Variants in YEATS2 observed in about 807,000 individuals in gnomAD.
YEATS2 encodes YEATS domain containing 2, also known as YEATS domain-containing protein 2.
In YEATS2, 77 loss-of-function variants were observed where a neutral mutation model predicts 163.2. That is an observed-to-expected ratio of 0.47 (90% CI 0.39 to 0.57). The LOEUF is 0.57. YEATS2 is among the 20% of genes least tolerant of loss of function. The pLI, the probability that YEATS2 is intolerant of heterozygous loss-of-function variation, is 0.00. For missense variants in YEATS2, 1,549 were observed against 1,729.8 expected, an observed-to-expected ratio of 0.90 and a Z score of 1.85; for synonymous variants, 631 against 645.1, an observed-to-expected ratio of 0.98 and a Z score of 0.33.
intron 8 of YEATS2, among the ~76,000 whole-genome samples, chr3:183,740,370 T>C (rs996859024): frequency 3.3e-5 from 5 of 152,156 alleles, no homozygotes; most frequent in South Asian, 2.1e-4. Context: ...TCATCACTGG[T>C]CATCAGAGAA....
At chr3:183,744,618 C>T (rs1215395547) in intron 8 of YEATS2, among the ~76,000 whole-genome samples, 2 of 152,158 alleles carry the variant, frequency 1.3e-5, no homozygotes, top group Non-Finnish European at 2.9e-5. Context: ...TACCAGTTTT[C>T]TGGAAAACAT....
chr3:183,808,132 G>A (rs1726412192), intron 29 of YEATS2, 28 bp downstream of exon 29: 1 of 1,545,914 alleles, frequency 6.5e-7, no homozygotes, highest in Non-Finnish European at 8.8e-7. Context: ...CCGCCAGCCA[G>A]GAAGGATGGT....
intron 19 of YEATS2, among the ~76,000 whole-genome samples, chr3:183,778,113 A>G (rs1723186320): frequency 6.9e-6 from 1 of 145,230 alleles, no homozygotes; most frequent in Admixed American, 6.8e-5. Context: ...TTCTGTCTCA[A>G]AAAAAAAAAA....
In YEATS2 at chr3:183,804,201, T is replaced by G; in HGVS notation, c.3784+13T>G. The G allele has an allele frequency of 6.2e-7, 1 of 1,614,096 alleles. No individual in the cohort carries two copies. Among genetic ancestry groups the G allele is most frequent in the Non-Finnish European group, 8.5e-7 (1 of 1,180,012 alleles). On this transcript the variant is annotated intron_variant, in intron 27 of 30. Transcript: ENST00000305135. Reference sequence around the variant, plus strand: ...GACAGCGAGCCCGGTAAGCCTTCAGTGGCACTGCCCAGAGCGCCTGGCAGC... The same window carrying G: ...GACAGCGAGCCCGGTAAGCCTTCAGGGGCACTGCCCAGAGCGCCTGGCAGC...
At chr3:183,725,104 C>T (rs1212890458) in intron 6 of YEATS2, among the ~76,000 whole-genome samples, 1 of 145,982 alleles carries the variant, frequency 6.9e-6, no homozygotes, top group African/African-American at 2.6e-5. Flanking sequence ...GCCAGGGGAC[C>T]TAGGTATCCT....
chr3:183,781,370 AAGAG>A lies in YEATS2; in HGVS notation c.2736+3678_2736+3681del, dbSNP rs972445938. ...GAGAAGATTGATGTCTCAGCTTAAGAAGAGAGAGAGAATTCGCCCATTGTCCGCC... is the reference window on the plus strand; with the variant it reads ...GAGAAGATTGATGTCTCAGCTTAAGAAGAGAGAATTCGCCCATTGTCCGCC... On this transcript the variant is annotated intron_variant, in intron 19 of 30. Transcript: ENST00000305135. Among the ~76,000 whole-genome samples, 7 of 152,276 alleles carry A rather than the reference AAGAG, an allele frequency of 4.6e-5. No homozygotes were observed. In the South Asian group the frequency reaches 1.2e-3, roughly 27 times the overall value.
intron 21 of YEATS2, chr3:183,793,132 A>G (rs1345258269): frequency 2.3e-6 from 3 of 1,288,728 alleles, no homozygotes; most frequent in Middle Eastern, 2.1e-4. Context: ...ACCAGCCAGC[A>G]TACGGCTGGC....
intron 27 of YEATS2, 132 bp from the exon 28 acceptor site, chr3:183,806,734 A>C: frequency 1.2e-6 from 1 of 815,724 alleles, no homozygotes; most frequent in Non-Finnish European, 1.9e-6. Context: ...GATCCATAGA[A>C]TGTTAGAACT....
rs562667685 is a variant in YEATS2, at chr3:183,729,937, G to T, written c.812+1086G>T. ...ACTCCTGACCTCAGGTGATCTGCCC[G>T]CCTTGGCCACCCAAAGTGCTGGGAT... On this transcript the variant is annotated intron_variant, in intron 7 of 30. Transcript: ENST00000305135. Among the ~76,000 whole-genome samples, 6 of 151,144 alleles carry T rather than the reference G, an allele frequency of 4.0e-5. No individual in the cohort carries two copies. In the South Asian group the frequency reaches 1.0e-3, roughly 26 times the overall value.
chr3:183,711,457 C>T (rs182453234), intron 1 of YEATS2, among the ~76,000 whole-genome samples: 605 of 130,980 alleles, frequency 4.6e-3, no homozygotes, highest in Non-Finnish European at 7.6e-3. Context: ...TGGGAGACAG[C>T]GAGACTCTGT....
intron 27 of YEATS2, among the ~76,000 whole-genome samples, chr3:183,804,574 G>T (rs1020508980): frequency 4.6e-5 from 7 of 152,228 alleles, no homozygotes; most frequent in Non-Finnish European, 8.8e-5. Context: ...GTGAAGATGA[G>T]GCCTGTGTCT....
At chr3:183,741,736 C>G (rs555564357) in intron 8 of YEATS2, among the ~76,000 whole-genome samples, 7 of 151,928 alleles carry the variant, frequency 4.6e-5, no homozygotes, top group Admixed American at 2.6e-4. Flanking sequence ...GAGCCAAGAT[C>G]GCGCCACTGC....
intron 8 of YEATS2, among the ~76,000 whole-genome samples, chr3:183,742,115 T>G (rs1335903102): frequency 6.6e-6 from 1 of 150,448 alleles, no homozygotes; most frequent in African/African-American, 2.4e-5. Context: ...GAGGCTGAGG[T>G]AGGAGAATCA....
chr3:183,801,703 GTTT>G (rs1242709511), intron 25 of YEATS2, 175 bp downstream of exon 25: 2 of 495,156 alleles, frequency 4.0e-6, no homozygotes, highest in Non-Finnish European at 7.2e-6. Context: ...CATCCAGTTA[GTTT>G]TTTATTGTTT....
intron 8 of YEATS2, among the ~76,000 whole-genome samples, chr3:183,743,609 G>A (rs890797153): frequency 5.9e-5 from 9 of 152,172 alleles, no homozygotes; most frequent in Admixed American, 1.3e-4. Context: ...GCCTCCCAAA[G>A]TGCTGGCATT....
At chr3:183,764,287 C>G (rs1721670396) in intron 15 of YEATS2, among the ~76,000 whole-genome samples, 1 of 146,620 alleles carries the variant, frequency 6.8e-6, no homozygotes, top group African/African-American at 2.5e-5. Context: ...AGGAGAATGG[C>G]TTGAACACAG....
chr3:183,772,335 C>T lies in YEATS2; in HGVS notation c.1978C>T (p.Pro660Ser), dbSNP rs771070817. 6.2e-7 allele frequency: 1 copy of T among 1,614,110 alleles called. No individual in the cohort carries two copies. The highest frequency in any genetic ancestry group is 1.1e-5 in the South Asian group (1 of 91,084). ...CGGGGTACCAGTTGGGTCTGCTTTA[C>T]CTTCAACAGTGAAGCAGGCTGTGGC... Reference protein sequence around the residue: ...VVGVPVGSALPSTVKQAVAIS... With the variant: ...VVGVPVGSALSSTVKQAVAIS... The change falls in exon 16 of 31, where the codon CCT becomes TCT. Residue 660 changes from proline to serine, a missense_variant. By Grantham distance (74) the Pro-to-Ser change is moderately conservative. Coordinates refer to ENST00000305135, the MANE Select transcript of YEATS2 (RefSeq NM_018023.5).
intron 8 of YEATS2, among the ~76,000 whole-genome samples, chr3:183,745,143 C>G (rs906471509): frequency 6.6e-6 from 1 of 152,202 alleles, no homozygotes; most frequent in Non-Finnish European, 1.5e-5. Flanking sequence ...AGCCACCGCG[C>G]CCTGGCCCCT....
chr3:183,802,512 T>TATATATACAC (rs1332706054), intron 25 of YEATS2: 1 of 151,184 alleles, frequency 6.6e-6, no homozygotes, highest in East Asian at 2.0e-4. Context: ...TGTGTGTGTA[T>TATATATACAC]ACATGTATAT....
Sources: gnomAD v4.1 joint callset for allele counts (sites outside exome capture counted in the v4.1 genomes callset) on GRCh38, gnomAD v4.1.1 for gene constraint, MANE v1.5 for transcripts, NCBI Gene and HGNC (gene_info 2026-07-23, HGNC 2026-07-21) for gene names.